Variants in ALOX5 observed in about 807,000 individuals in gnomAD.
ALOX5 encodes arachidonate 5-lipoxygenase, also known as polyunsaturated fatty acid 5-lipoxygenase.
ALOX5 carries 64 observed loss-of-function variants against 87.9 expected under a neutral mutation model. The ratio of observed to expected loss-of-function variants is 0.73; its 90% CI spans 0.60 to 0.90. The LOEUF (loss-of-function observed/expected upper bound fraction) is 0.90, where lower values mean the gene tolerates loss of function less well. ALOX5 is among the 40% of genes least tolerant of loss of function. The probability of loss-of-function intolerance (pLI) is 0.00; values close to 1 mark genes in which losing one functional copy is unlikely to be tolerated. For synonymous variants in ALOX5, 388 were observed against 355.1 expected, an observed-to-expected ratio of 1.09 and a Z score of -1.04; for missense variants, 822 against 907.5, an observed-to-expected ratio of 0.91 and a Z score of 1.21.
intron 3 of ALOX5, 111 bp from the exon 4 acceptor site, chr10:45,412,080 G>C: frequency 6.8e-7 from 1 of 1,473,950 alleles, no homozygotes; most frequent in Non-Finnish European, 9.3e-7. Flanking sequence ...TTTATTTTGA[G>C]TACATCAATC....
At chr10:45,388,061 C>T (rs1840066041) in intron 2 of ALOX5, among the ~76,000 whole-genome samples, 1 of 152,190 alleles carries the variant, frequency 6.6e-6, no homozygotes. Context: ...ACGGACAGCA[C>T]CTGGAAAATT....
chr10:45,375,162 T>C (rs1864413), intron 1 of ALOX5, among the ~76,000 whole-genome samples: 25,533 of 152,006 alleles, frequency 0.17, 2,211 homozygotes, highest in South Asian at 0.19. Context: ...CAGGAGAGGC[T>C]TTTCCTAAAT....
intron 1 of ALOX5, among the ~76,000 whole-genome samples, chr10:45,381,040 C>T (rs1839808812): frequency 6.6e-6 from 1 of 152,286 alleles, no homozygotes. Context: ...CCTCTCATCC[C>T]AACTTCCTGT....
intron 7 of ALOX5, among the ~76,000 whole-genome samples, chr10:45,439,420 C>T (rs1245953606): frequency 1.3e-5 from 2 of 152,230 alleles, no homozygotes; most frequent in African/African-American, 4.8e-5. Flanking sequence ...TTCCTGGCCG[C>T]TCTTGGCTGC....
chr10:45,378,321 T>C (rs1249067385), intron 1 of ALOX5, among the ~76,000 whole-genome samples: 1 of 152,142 alleles, frequency 6.6e-6, no homozygotes, highest in Non-Finnish European at 1.5e-5. Context: ...TGGGGAACTG[T>C]GGGAGGAACC....
intron 4 of ALOX5, among the ~76,000 whole-genome samples, chr10:45,418,599 A>G (rs920829036): frequency 1.3e-5 from 2 of 152,166 alleles, no homozygotes; most frequent in African/African-American, 4.8e-5. Context: ...GATGGGGCCC[A>G]GGAAGGCTTT....
chr10:45,418,435 C>T (rs1399080193), intron 4 of ALOX5, among the ~76,000 whole-genome samples: 1 of 152,102 alleles, frequency 6.6e-6, no homozygotes, highest in Non-Finnish European at 1.5e-5. Flanking sequence ...GGAAGTTTCT[C>T]CCTAAAGACA....
chr10:45,434,388 G>A (rs1842001941), intron 7 of ALOX5, among the ~76,000 whole-genome samples: 1 of 152,216 alleles, frequency 6.6e-6, no homozygotes, highest in African/African-American at 2.4e-5. Flanking sequence ...GTAGCAACAG[G>A]AGCATAGTTT....
At chr10:45,393,771 A>G (rs919887191) in intron 2 of ALOX5, among the ~76,000 whole-genome samples, 2 of 152,250 alleles carry the variant, frequency 1.3e-5, no homozygotes, top group African/African-American at 4.8e-5. Flanking sequence ...AGGATACAAA[A>G]TCAATGTGCA....
chr10:45,424,964 G>A lies in ALOX5; in HGVS notation c.666G>A (p.Arg222=). 6.2e-7 allele frequency: 1 copy of A among 1,614,178 alleles called. No homozygotes were observed. Among genetic ancestry groups the A allele is most frequent in the Non-Finnish European group, 8.5e-7 (1 of 1,180,018 alleles). The part of the protein sequence containing the change: ...FVKISNTISE[R]VMNHWQEDLM... ...GCCTCGCTTTTCTCCTGGTAGAGCG[G>A]GTCATGAATCACTGGCAGGAAGACC... is the stretch of plus-strand genomic sequence containing the variant. The change falls in exon 6 of 14, where the codon CGG becomes CGA. Residue 222 remains arginine, a synonymous_variant. Coordinates refer to ENST00000374391, the MANE Select transcript of ALOX5 (RefSeq NM_000698.5).
At chr10:45,394,879 A>T (rs1052593491) in intron 2 of ALOX5, among the ~76,000 whole-genome samples, 7 of 152,262 alleles carry the variant, frequency 4.6e-5, no homozygotes, top group African/African-American at 1.7e-4. Flanking sequence ...TGGCCATCAG[A>T]GAAATGCAAA....
At position 45,395,955 on chromosome 10, in the gene ALOX5, T is replaced by G; in HGVS notation, c.431+19T>G. ...AATATCGGTGAGTTATGACATCAGA[T>G]CGAGTGGCCACGGGGCCATGGTTTC... On this transcript the variant is annotated intron_variant, in intron 3 of 13. Coordinates refer to ENST00000374391, the MANE Select transcript of ALOX5 (RefSeq NM_000698.5). 1.2e-6 allele frequency: 2 copies of G among 1,611,782 alleles called. No individual in the cohort carries two copies. Among genetic ancestry groups the G allele is most frequent in the Non-Finnish European group, 1.7e-6 (2 of 1,177,810 alleles).
At chr10:45,385,983 G>T (rs1411571683) in intron 2 of ALOX5, among the ~76,000 whole-genome samples, 1 of 152,096 alleles carries the variant, frequency 6.6e-6, no homozygotes, top group Non-Finnish European at 1.5e-5. Context: ...CGGGAGGATT[G>T]TTTGAGTCTA....
chr10:45,374,217 G>C lies in ALOX5; in HGVS notation c.-63G>C, dbSNP rs1839485868. Reference sequence around the variant, plus strand: ...GTGGTGGGAGGAGGCTGCGGCGCTAGATGCGGACACCTGGACCGCCGCGCC... The same window carrying C: ...GTGGTGGGAGGAGGCTGCGGCGCTACATGCGGACACCTGGACCGCCGCGCC... On this transcript the variant is annotated 5_prime_UTR_variant, in exon 1 of 14. Transcript: ENST00000374391. 2 of 1,405,436 alleles carry C rather than the reference G, an allele frequency of 1.4e-6. No homozygotes were observed. Among genetic ancestry groups the C allele is most frequent in the East Asian group, 3.1e-5 (1 of 32,710 alleles). The allele number at this position is 1,405,436 out of a possible 1,614,324, so 87.1% of individuals were successfully genotyped here.
At chr10:45,434,981 C>T (rs969484024) in intron 7 of ALOX5, among the ~76,000 whole-genome samples, 33 of 152,194 alleles carry the variant, frequency 2.2e-4, no homozygotes, top group African/African-American at 2.7e-4. Flanking sequence ...TAATCAGAAA[C>T]GCAAAGCTAC....
At chr10:45,412,791 A>G (rs1841116407) in intron 4 of ALOX5, among the ~76,000 whole-genome samples, 1 of 152,214 alleles carries the variant, frequency 6.6e-6, no homozygotes, top group Admixed American at 6.5e-5. Context: ...GAACTGAGGA[A>G]TACGGAGGTT....
intron 7 of ALOX5, among the ~76,000 whole-genome samples, chr10:45,429,877 C>T (rs1285081766): frequency 1.3e-5 from 2 of 152,106 alleles, no homozygotes; most frequent in Non-Finnish European, 2.9e-5. Flanking sequence ...GTAGTGGGCT[C>T]TATTGATGTT....
chr10:45,421,577 C>T (rs1841510109), intron 4 of ALOX5, among the ~76,000 whole-genome samples: 1 of 152,252 alleles, frequency 6.6e-6, no homozygotes, highest in African/African-American at 2.4e-5. Context: ...CCAGAACACT[C>T]AGCTGACGAG....
intron 2 of ALOX5, among the ~76,000 whole-genome samples, chr10:45,383,551 C>G (rs921822462): frequency 6.6e-6 from 1 of 152,236 alleles, no homozygotes. Context: ...GCCATGACAG[C>G]GTCAAACTCT....
Sources: gnomAD v4.1 joint callset for allele counts (sites outside exome capture counted in the v4.1 genomes callset) on GRCh38, gnomAD v4.1.1 for gene constraint, MANE v1.5 for transcripts, NCBI Gene and HGNC (gene_info 2026-07-23, HGNC 2026-07-21) for gene names.